ADD1: variants seen among roughly 807,000 people sequenced by gnomAD.
ADD1 encodes the protein adducin 1, also known as alpha-adducin.
Under a neutral mutation model 80.5 loss-of-function variants are expected in ADD1, and 24 were observed. The ratio of observed to expected loss-of-function variants is 0.30; its 90% CI spans 0.22 to 0.42. ADD1 has a LOEUF of 0.42. ADD1 is among the 10% of genes least tolerant of loss of function. The pLI is 1.00. For missense variants in ADD1, 948 were observed against 1,019.0 expected (o/e 0.93, Z 0.95); for synonymous variants, 373 against 393.8 (o/e 0.95, Z 0.63).
intron 1 of ADD1, among the ~76,000 whole-genome samples, chr4:2,859,407 T>C (rs1275074559): frequency 6.6e-6 from 1 of 152,228 alleles, no homozygotes; most frequent in African/African-American, 2.4e-5. Context: ...GGTCAATACC[T>C]GTACTATTTT....
intron 12 of ADD1, chr4:2,909,026 T>C (rs1262686116): frequency 1.1e-5 from 5 of 470,484 alleles, no homozygotes; most frequent in Non-Finnish European, 1.9e-5. Flanking sequence ...TGGTGCACAT[T>C]TACACACATT....
intron 14 of ADD1, among the ~76,000 whole-genome samples, chr4:2,924,582 T>C (rs1222646756): frequency 6.6e-6 from 1 of 152,254 alleles, no homozygotes; most frequent in African/African-American, 2.4e-5. Context: ...GTCGTCATCC[T>C]GGGAGCTAGG....
intron 4 of ADD1, among the ~76,000 whole-genome samples, chr4:2,885,202 C>G (rs893858458): frequency 1.3e-5 from 2 of 152,158 alleles, no homozygotes; most frequent in African/African-American, 2.4e-5. Context: ...TCTTCACTCC[C>G]TATTTTGTCC....
intron 1 of ADD1, among the ~76,000 whole-genome samples, chr4:2,867,469 C>T (rs533045577): frequency 5.9e-5 from 9 of 152,292 alleles, no homozygotes; most frequent in Non-Finnish European, 1.3e-4. Context: ...ATTAAGAGTG[C>T]GGTCTCCAAA....
intron 2 of ADD1, among the ~76,000 whole-genome samples, chr4:2,878,850 A>G (rs574387284): frequency 1.4e-4 from 21 of 152,274 alleles, no homozygotes; most frequent in African/African-American, 5.1e-4. Flanking sequence ...CAATGGATCT[A>G]AGCCAGTGAG....
intron 1 of ADD1, among the ~76,000 whole-genome samples, chr4:2,872,412 C>T (rs974927760): frequency 1.3e-5 from 2 of 152,214 alleles, no homozygotes; most frequent in African/African-American, 4.8e-5. Context: ...GCCATTATAT[C>T]ATTTTGCCAG....
intron 1 of ADD1, chr4:2,855,167 A>G (rs1054216102): frequency 6.6e-6 from 1 of 152,170 alleles, no homozygotes; most frequent in African/African-American, 2.4e-5. Context: ...TTATATCTGT[A>G]GTCTTTGCCA....
At chr4:2,913,011 A>AT (rs911657764) in intron 13 of ADD1, among the ~76,000 whole-genome samples, 10 of 151,194 alleles carry the variant, frequency 6.6e-5, no homozygotes, top group African/African-American at 2.2e-4. Context: ...CGCCTGGTTA[A>AT]TTTTTTTTGT....
chr4:2,929,819 G>C lies in ADD1; in HGVS notation c.*1296G>C, dbSNP rs1197380430. ...GGCCTGCTACGCGGGCAAGCGTGCT[G>C]CCTCTCTTCTGTGTCGTTTTGTTGC... On this transcript the variant is annotated 3_prime_UTR_variant, in exon 16 of 16. Coordinates refer to ENST00000683351, the MANE Select transcript of ADD1 (RefSeq NM_001354761.2). 1.3e-5 allele frequency: 2 copies of C among 152,586 alleles called. No individual in the cohort carries two copies. Among genetic ancestry groups the C allele is most frequent in the Non-Finnish European group, 2.9e-5 (2 of 68,068 alleles). The allele number at this position is 152,586 out of a possible 1,614,324, so 9.5% of individuals were successfully genotyped here.
intron 4 of ADD1, among the ~76,000 whole-genome samples, chr4:2,890,990 A>G (rs1734209858): frequency 6.6e-6 from 1 of 152,150 alleles, no homozygotes; most frequent in Non-Finnish European, 1.5e-5. Flanking sequence ...AAATAGTTTA[A>G]CAAGTCAGGA....
At chr4:2,916,612 C>T (rs1739124175) in intron 14 of ADD1, among the ~76,000 whole-genome samples, 1 of 152,026 alleles carries the variant, frequency 6.6e-6, no homozygotes. Flanking sequence ...TATACACGTG[C>T]CGTGGTGGTG....
chr4:2,849,653 G>A (rs1391937603), intron 1 of ADD1, among the ~76,000 whole-genome samples: 1 of 152,176 alleles, frequency 6.6e-6, no homozygotes. Context: ...ACTCTGAAGG[G>A]CTTAATTTAA....
intron 2 of ADD1, 187 bp downstream of exon 2, chr4:2,876,297 A>AG: frequency 2.0e-6 from 1 of 490,362 alleles, no homozygotes. Flanking sequence ...CATAAATGAA[A>AG]AATCTTCAGT....
intron 1 of ADD1, among the ~76,000 whole-genome samples, chr4:2,855,771 G>A (rs1429382113): frequency 6.6e-6 from 1 of 151,786 alleles, no homozygotes; most frequent in African/African-American, 2.4e-5. Flanking sequence ...CGCGATCACA[G>A]CTCACTGCAG....
At chr4:2,854,858 G>A (rs1727834692) in intron 1 of ADD1, 2 of 152,126 alleles carry the variant, frequency 1.3e-5, no homozygotes, top group Admixed American at 6.5e-5. Context: ...TCATAGTTCT[G>A]GAGGCCAGAA....
At chr4:2,863,211 A>T (rs1477472396) in intron 1 of ADD1, among the ~76,000 whole-genome samples, 6 of 121,592 alleles carry the variant, frequency 4.9e-5, no homozygotes, top group Admixed American at 1.6e-4. Context: ...ACGCCCAGCT[A>T]ATTTTTAATT....
At chr4:2,876,160 AT>A (rs1731258102) in intron 2 of ADD1, 50 bp downstream of exon 2, 1 of 1,554,880 alleles carries the variant, frequency 6.4e-7, no homozygotes, top group Admixed American at 1.9e-5. Flanking sequence ...TCCTTTTCTA[AT>A]ACTTCAGGTC....
At chr4:2,884,753 G>A in intron 4 of ADD1, 87 bp downstream of exon 4, 1 of 1,414,940 alleles carries the variant, frequency 7.1e-7, no homozygotes, top group Non-Finnish European at 9.5e-7. Flanking sequence ...GAAGAGGGAA[G>A]CAGGCTGAGC....
At chr4:2,901,907 A>G (rs553457172) in intron 9 of ADD1, 1 of 127,684 alleles carries the variant, frequency 7.8e-6, no homozygotes, top group Non-Finnish European at 1.7e-5. Flanking sequence ...GAACAAATCC[A>G]TATATATTTT....
Sources: allele counts gnomAD v4.1 joint callset (sites outside exome capture counted in the v4.1 genomes callset), GRCh38; gene constraint gnomAD v4.1.1; transcripts MANE v1.5; gene names NCBI Gene and HGNC (gene_info 2026-07-23, HGNC 2026-07-21).